Variants in QRSL1 observed in about 807,000 individuals in gnomAD.
The protein encoded by QRSL1 is glutaminyl-tRNA amidotransferase subunit QRSL1, also known as glutamyl-tRNA(Gln) amidotransferase subunit A, mitochondrial.
QRSL1 carries 54 observed loss-of-function variants against 61.6 expected under a neutral mutation model. The observed-to-expected ratio is 0.88, with a 90% CI of 0.70 to 1.10. QRSL1 has a LOEUF of 1.10. Ranked by LOEUF, QRSL1 falls within the 50% of genes least tolerant of loss-of-function variation. QRSL1 has a pLI of 0.00. For synonymous variants in QRSL1, 228 were observed against 225.7 expected (o/e 1.01, Z -0.09); for missense variants, 505 against 622.6 (o/e 0.81, Z 2.01).
rs192577677 is a variant in QRSL1 at position 106,636,296 on chromosome 6, C to T, written c.25-4053C>T. Among the ~76,000 whole-genome samples, 491 of 150,210 alleles carry T rather than the reference C, an allele frequency of 3.3e-3. 5 individuals are homozygous for T. The highest frequency in any genetic ancestry group is 0.012 in the African/African-American group (475 of 40,826). ...GAGTTTTGGAAACAAGATGAGTCCT[C>T]GGTTGAATCCCAGCTCTGCTACTTT... is the stretch of plus-strand genomic sequence containing the variant. On this transcript the variant is annotated intron_variant, in intron 1 of 10. Transcript: ENST00000369046.
chr6:106,653,729 G>C (rs768255420), intron 7 of QRSL1: 1 of 151,514 alleles, frequency 6.6e-6, no homozygotes, highest in Admixed American at 6.6e-5. Flanking sequence ...GAGGCTGAGG[G>C]GGGAGGATTG....
intron 5 of QRSL1, among the ~76,000 whole-genome samples, chr6:106,650,638 A>G (rs1302406690): frequency 6.6e-6 from 1 of 152,244 alleles, no homozygotes; most frequent in Non-Finnish European, 1.5e-5. Flanking sequence ...ACTAAAAAGA[A>G]TAAGTTAGAG....
chr6:106,635,847 G>C (rs1167694617), intron 1 of QRSL1, among the ~76,000 whole-genome samples: 2 of 151,628 alleles, frequency 1.3e-5, no homozygotes, highest in African/African-American at 4.8e-5. Flanking sequence ...CTCCAGCCTG[G>C]GCAACAGAGC....
Position 106,667,610 on chromosome 6 carries a change from G to A in QRSL1, c.*1608G>A, listed in dbSNP as rs1349308413. On this transcript the variant is annotated 3_prime_UTR_variant, in exon 11 of 11. Transcript: ENST00000369046. Reference sequence around the variant, plus strand: ...AGTCAGAATCATCTGCAGAACCACTGGAATGTTTCATCGTCACCTGTTAGT... The same window carrying A: ...AGTCAGAATCATCTGCAGAACCACTAGAATGTTTCATCGTCACCTGTTAGT... The A allele has an allele frequency of 1.3e-5, 2 of 152,026 alleles. No individual in the cohort carries two copies. Among genetic ancestry groups the A allele is most frequent in the Non-Finnish European group, 2.9e-5 (2 of 68,016 alleles). 9.4% of individuals were successfully genotyped at this position (152,026 alleles called of 1,614,324 possible). A position where few individuals can be genotyped will look rare whatever the true frequency, so the allele number is the denominator to read the frequency against.
At chr6:106,648,325 TTAA>T in intron 4 of QRSL1, among the ~76,000 whole-genome samples, 1 of 152,186 alleles carries the variant, frequency 6.6e-6, no homozygotes, top group South Asian at 2.1e-4. Flanking sequence ...TGTATTGATA[TTAA>T]TGTTACTGAG....
At chr6:106,633,417 T>C (rs1410891637) in intron 1 of QRSL1, among the ~76,000 whole-genome samples, 1 of 152,224 alleles carries the variant, frequency 6.6e-6, no homozygotes, top group Non-Finnish European at 1.5e-5. Flanking sequence ...TTCAAATTTC[T>C]TCATAATACC....
Position 106,663,020 on chromosome 6 carries a change from C to A in QRSL1, c.1201C>A (p.Arg401Ser). The A allele has an allele frequency of 6.2e-7, 1 of 1,612,626 alleles. No homozygotes were observed. The change falls in exon 10 of 11, where the codon CGC becomes AGC. Residue 401 changes from arginine (R) to serine (S), a missense_variant. Coordinates refer to ENST00000369046, the MANE Select transcript of QRSL1 (RefSeq NM_018292.5). ...NYFVKAQKVR[R>S]LIANDFVNAF... ...TTTTGTCAAAGCACAGAAAGTGAGA[C>A]GCCTCATTGCTAATGACTTTGTAAA... is the stretch of plus-strand genomic sequence containing the variant.
chr6:106,662,215 T>C (rs1777368070), intron 9 of QRSL1, among the ~76,000 whole-genome samples: 2 of 152,118 alleles, frequency 1.3e-5, no homozygotes, highest in African/African-American at 4.8e-5. Context: ...TACTGCATAG[T>C]CTACCGCTGT....
chr6:106,652,437 T>C (rs1454123641), intron 6 of QRSL1, 30 bp from the exon 7 acceptor site: 1 of 1,613,500 alleles, frequency 6.2e-7, no homozygotes, highest in African/African-American at 1.3e-5. Flanking sequence ...AAACAATATA[T>C]CTGTCATTCA....
At chr6:106,638,238 C>T (rs556615152) in intron 1 of QRSL1, among the ~76,000 whole-genome samples, 9 of 152,316 alleles carry the variant, frequency 5.9e-5, no homozygotes, top group South Asian at 2.1e-4. Context: ...ATTCCATATA[C>T]ATGATGTTAA....
At chr6:106,655,572 T>G (rs771818552) in intron 8 of QRSL1, 43 bp from the exon 9 acceptor site, 1 of 1,324,832 alleles carries the variant, frequency 7.5e-7, no homozygotes, top group Non-Finnish European at 1.1e-6. Flanking sequence ...CTTTACTGAC[T>G]TTACTTCCTT....
chr6:106,644,494 A>G (rs1647267614), intron 4 of QRSL1, among the ~76,000 whole-genome samples: 1 of 150,132 alleles, frequency 6.7e-6, no homozygotes, highest in African/African-American at 2.5e-5. Flanking sequence ...GTCCTAAGAA[A>G]TCTTTTTTGT....
At position 106,649,083 on chromosome 6, in the gene QRSL1, C is replaced by G; in HGVS notation, c.439C>G (p.Gln147Glu). The change falls in exon 5 of 11, where the codon CAA (glutamine) becomes GAA (glutamate). Residue 147 changes from glutamine (Q) to glutamate (E), a missense_variant. By Grantham distance (29) the Gln-to-Glu change is conservative. Transcript: ENST00000369046. ...PVKNPWSYSK[Q>E]YREKRKQNPH... is the part of the protein sequence containing the mutation. Reference sequence around the variant, plus strand: ...TAAAAACCCCTGGAGTTATTCAAAACAATATAGAGAAAAGAGGAAGCAGAA... The same window carrying G: ...TAAAAACCCCTGGAGTTATTCAAAAGAATATAGAGAAAAGAGGAAGCAGAA... 1 of 1,614,080 alleles carries G rather than the reference C, an allele frequency of 6.2e-7. No homozygotes were observed. The highest frequency in any genetic ancestry group is 1.3e-5 in the African/African-American group (1 of 75,042).
chr6:106,633,917 T>C (rs1776877100), intron 1 of QRSL1, among the ~76,000 whole-genome samples: 1 of 151,542 alleles, frequency 6.6e-6, no homozygotes, highest in Non-Finnish European at 1.5e-5. Context: ...AACCTAACTT[T>C]TTTGTGTGGA....
intron 1 of QRSL1, among the ~76,000 whole-genome samples, chr6:106,631,663 T>TA (rs56039238): frequency 1.3e-5 from 2 of 151,626 alleles, no homozygotes; most frequent in East Asian, 1.9e-4. Flanking sequence ...TGATTGTTTT[T>TA]AAAAAAAAAT....
At position 106,665,921 on chromosome 6, in the gene QRSL1, T is replaced by C. The variant is rs1226917944; in HGVS notation, c.1506T>C (p.Val502=). ...KWFEKQVQFP[V]IQLQELMDDC... is the part of the protein sequence containing the mutation. ...TTGAAAAACAAGTACAGTTTCCTGTTATTCAACTTCAAGAACTCATGGATG... is the reference window on the plus strand; with the variant it reads ...TTGAAAAACAAGTACAGTTTCCTGTCATTCAACTTCAAGAACTCATGGATG... Residue 502 remains valine (V), a synonymous_variant, in exon 11 of 11, where the codon GTT becomes GTC. Transcript: ENST00000369046. The C allele has an allele frequency of 6.2e-7, 1 of 1,614,020 alleles. No individual in the cohort carries two copies.
chr6:106,634,080 C>CT (rs1776881782), intron 1 of QRSL1, among the ~76,000 whole-genome samples: 1 of 152,036 alleles, frequency 6.6e-6, no homozygotes, highest in African/African-American at 2.4e-5. Context: ...GAAGATTTCT[C>CT]TGATTGAGTG....
Position 106,656,959 on chromosome 6 carries a change from G to A in QRSL1, c.1160+1227G>A, listed in dbSNP as rs377122546. Among the ~76,000 whole-genome samples, 10 of 152,256 alleles carry A rather than the reference G, an allele frequency of 6.6e-5. No individual in the cohort carries two copies. The East Asian group carries it at 1.7e-3, about 26-fold the overall frequency. Reference sequence around the variant, plus strand: ...GCATGAGCCACCATGCCAGGCCACAGGATTACTTTTTCTAAGAATACTATT... The same window carrying A: ...GCATGAGCCACCATGCCAGGCCACAAGATTACTTTTTCTAAGAATACTATT... On this transcript the variant is annotated intron_variant, in intron 9 of 10. Coordinates refer to ENST00000369046, the MANE Select transcript of QRSL1 (RefSeq NM_018292.5).
chr6:106,635,543 T>C (rs1466942326), intron 1 of QRSL1, among the ~76,000 whole-genome samples: 2 of 152,178 alleles, frequency 1.3e-5, no homozygotes, highest in Non-Finnish European at 2.9e-5. Context: ...AGCTCTCCTG[T>C]ACCTTCAGCA....
Sources: gnomAD v4.1 joint callset for allele counts (sites outside exome capture counted in the v4.1 genomes callset) on GRCh38, gnomAD v4.1.1 for gene constraint, MANE v1.5 for transcripts, NCBI Gene and HGNC (gene_info 2026-07-23, HGNC 2026-07-21) for gene names.